Variants in CST7 observed in about 807,000 individuals in gnomAD.
The protein encoded by CST7 is cystatin F, also known as cystatin-F.
Under a neutral mutation model 13.1 loss-of-function variants are expected in CST7, and 15 were observed. The observed-to-expected ratio is 1.14, with a 90% confidence interval of 0.77 to 1.76. The LOEUF is 1.76. CST7 is among the 40% of genes most tolerant of loss of function. The pLI, the probability that CST7 is intolerant of heterozygous loss-of-function variation, is 0.00. For missense variants in CST7, 193 were observed against 178.8 expected (o/e 1.08, Z -0.45); for synonymous variants, 75 against 66.9 (o/e 1.12, Z -0.59).
chr20:24,957,564 C>T (rs1232716991), intron 2 of CST7, 105 bp downstream of exon 2: 11 of 1,130,850 alleles, frequency 9.7e-6, no homozygotes, highest in Non-Finnish European at 1.4e-5. Context: ...GAAGTCCCTG[C>T]TGAGTGCAGA....
intron 1 of CST7, 86 bp from the exon 2 acceptor site, chr20:24,957,201 G>C (rs2087863866): frequency 2.2e-6 from 3 of 1,381,156 alleles, no homozygotes; most frequent in Non-Finnish European, 3.0e-6. Context: ...GCAGAGAACT[G>C]AGCATCACAG....
At position 24,959,707 on chromosome 20, in the gene CST7, C is replaced by G; in HGVS notation, c.433C>G (p.His145Asp). The change falls in exon 4 of 4, where the codon CAC becomes GAC. Residue 145 changes from histidine (H) to aspartate (D), a missense_variant. Physicochemically the swap from His to Asp is moderately conservative, Grantham distance 81 (BLOSUM62 -1). Transcript: ENST00000480798. ...CTTCGAGGTGCCTGTTCTCCGTTGT[C>G]ACTGACCCCCGCCTCTTCAGCAAGA... is the stretch of plus-strand genomic sequence containing the variant. ...QHFEVPVLRC[H>D] The G allele has an allele frequency of 6.2e-7, 1 of 1,613,990 alleles. No homozygotes were observed.
In CST7 at chr20:24,958,954, G is replaced by T. The variant is rs1056033; in HGVS notation, c.270G>T (p.Leu90=). The T allele has an allele frequency of 4.3e-6, 7 of 1,613,532 alleles. No homozygotes were observed. Among genetic ancestry groups the T allele is most frequent in the Non-Finnish European group, 5.9e-6 (7 of 1,179,738 alleles). Residue 90 remains leucine (L), a synonymous_variant, in exon 3 of 4, where the codon CTG becomes CTT. Transcript: ENST00000480798. Reference sequence around the variant, plus strand: ...TAGTGAAAGGCCTGAAATATATGCTGGAGGTGGAAATTGGCAGAACTACCT... The same window carrying T: ...TAGTGAAAGGCCTGAAATATATGCTTGAGGTGGAAATTGGCAGAACTACCT... ...VQIVKGLKYM[L]EVEIGRTTCK... is the part of the protein sequence containing the mutation.
In CST7 at chr20:24,957,377, G is replaced by A. The variant is rs150124030; in HGVS notation, c.161G>A (p.Arg54Lys). Reference protein sequence around the residue: ...TNDPGVLQAARYSVEKFNNCT... With the variant: ...TNDPGVLQAAKYSVEKFNNCT... Reference sequence around the variant, plus strand: ...GACCCAGGAGTCCTCCAAGCAGCCAGATACAGTGTTGAAAAGTTCAACAAC... The same window carrying A: ...GACCCAGGAGTCCTCCAAGCAGCCAAATACAGTGTTGAAAAGTTCAACAAC... Residue 54 changes from arginine to lysine, a missense_variant, in exon 2 of 4, where the codon AGA (arginine) becomes AAA (lysine). Physicochemically the swap from Arg to Lys is conservative, Grantham distance 26. Transcript: ENST00000480798. The A allele has an allele frequency of 4.3e-6, 7 of 1,613,656 alleles. No homozygotes were observed. The African/African-American group carries it at 9.4e-5, about 22-fold the overall frequency.
At chr20:24,957,963 C>T (rs1020603053) in intron 2 of CST7, among the ~76,000 whole-genome samples, 27 of 152,304 alleles carry the variant, frequency 1.8e-4, no homozygotes, top group African/African-American at 6.3e-4. Flanking sequence ...ATTCCTACTG[C>T]GCCCGCTCAG....
intron 1 of CST7, among the ~76,000 whole-genome samples, chr20:24,955,931 G>A (rs1261769678): frequency 2.0e-5 from 3 of 152,190 alleles, no homozygotes; most frequent in Non-Finnish European, 4.4e-5. Context: ...TGGAAGGCCA[G>A]GCTCCCTGGG....
At chr20:24,957,166 G>A in intron 1 of CST7, 121 bp from the exon 2 acceptor site, 1 of 875,942 alleles carries the variant, frequency 1.1e-6, no homozygotes. Context: ...GGTGAGGGGT[G>A]GGTAGGGCCA....
rs374101454 is a variant in CST7 at position 24,954,150 on chromosome 20, C to G, written c.71-3137C>G. On this transcript the variant is annotated intron_variant, in intron 1 of 3. Transcript: ENST00000480798. ...TGCATCTCCCCTAGCACCTGCCAAA[C>G]AGTCCGTCTTGAATGAGGAAAAAGT... 1.5e-3 allele frequency among the ~76,000 whole-genome samples: 232 copies of G among 152,340 alleles called. 1 individual carries two copies. Among genetic ancestry groups the G allele is most frequent in the African/African-American group, 5.2e-3 (218 of 41,578 alleles).
At chr20:24,952,663 G>A (rs2087827500) in intron 1 of CST7, among the ~76,000 whole-genome samples, 1 of 152,198 alleles carries the variant, frequency 6.6e-6, no homozygotes, top group South Asian at 2.1e-4. Context: ...GGGGGCCGAT[G>A]GGGCCCCTCT....
intron 1 of CST7, among the ~76,000 whole-genome samples, chr20:24,955,132 C>T (rs935384023): frequency 1.3e-5 from 2 of 152,066 alleles, no homozygotes; most frequent in African/African-American, 4.8e-5. Context: ...TCTTTCTCTG[C>T]TGTTCAGATG....
chr20:24,951,616 A>G (rs1380942291), intron 1 of CST7, among the ~76,000 whole-genome samples: 10 of 152,166 alleles, frequency 6.6e-5, no homozygotes, highest in Admixed American at 3.9e-4. Flanking sequence ...AATAAATTAC[A>G]GAGCCTTCCT....
intron 1 of CST7, among the ~76,000 whole-genome samples, chr20:24,952,118 T>C (rs2087823132): frequency 6.6e-6 from 1 of 152,252 alleles, no homozygotes; most frequent in Non-Finnish European, 1.5e-5. Context: ...GGGCATTCAT[T>C]TGCCCTGAGA....
chr20:24,957,882 T>C (rs533716136), intron 2 of CST7, among the ~76,000 whole-genome samples: 13 of 152,170 alleles, frequency 8.5e-5, no homozygotes, highest in African/African-American at 3.1e-4. Context: ...TTTGCCACTT[T>C]CCCCCTGGAG....
At chr20:24,953,314 G>C (rs2087832404) in intron 1 of CST7, among the ~76,000 whole-genome samples, 1 of 152,164 alleles carries the variant, frequency 6.6e-6, no homozygotes, top group African/African-American at 2.4e-5. Flanking sequence ...GGTTTTTAAG[G>C]GTTCTGGAGC....
chr20:24,959,518 T>C, intron 3 of CST7, 117 bp from the exon 4 acceptor site: 1 of 931,164 alleles, frequency 1.1e-6, no homozygotes, highest in Non-Finnish European at 1.7e-6. Flanking sequence ...TTTGAAATTT[T>C]TCAAAATGAA....
Position 24,957,295 on chromosome 20 carries a change from T to C in CST7, c.79T>C (p.Ser27Pro), listed in dbSNP as rs776191162. The C allele has an allele frequency of 1.8e-5, 29 of 1,612,568 alleles. No homozygotes were observed. In the Middle Eastern group the frequency reaches 2.0e-3, roughly 110 times the overall value. Residue 27 changes from serine (S) to proline (P), a missense_variant, in exon 2 of 4, where the codon TCC (serine) becomes CCC (proline). Physicochemically the swap from Ser to Pro is moderately conservative, Grantham distance 74 (BLOSUM62 -1). Transcript: ENST00000480798. ...TTGGPSPDTC[S>P]QDLNSRVKPG... Reference sequence around the variant, plus strand: ...CTCTTTGTCTCTTTCAGATACTTGTTCCCAGGACCTTAACTCACGTGTGAA... The same window carrying C: ...CTCTTTGTCTCTTTCAGATACTTGTCCCCAGGACCTTAACTCACGTGTGAA...
intron 1 of CST7, among the ~76,000 whole-genome samples, chr20:24,953,491 T>C (rs2087833396): frequency 6.6e-6 from 1 of 152,078 alleles, no homozygotes; most frequent in African/African-American, 2.4e-5. Context: ...TAATTATGAG[T>C]ATCTTTCTGT....
chr20:24,954,115 G>C (rs756493457), intron 1 of CST7, among the ~76,000 whole-genome samples: 1 of 152,120 alleles, frequency 6.6e-6, no homozygotes, highest in Non-Finnish European at 1.5e-5. Flanking sequence ...GCCTGTCTTA[G>C]AGTCCACCCT....
chr20:24,953,957 G>C (rs563719461), intron 1 of CST7, among the ~76,000 whole-genome samples: 57 of 152,234 alleles, frequency 3.7e-4, no homozygotes, highest in African/African-American at 1.2e-3. Flanking sequence ...ACTCTTCCCA[G>C]CACGTAGCTC....
Sources: allele counts gnomAD v4.1 joint callset (sites outside exome capture counted in the v4.1 genomes callset), GRCh38; gene constraint gnomAD v4.1.1; transcripts MANE v1.5; gene names NCBI Gene and HGNC (gene_info 2026-07-23, HGNC 2026-07-21).